NOCT: variants seen among roughly 807,000 people sequenced by gnomAD.
The protein encoded by NOCT is nocturnin.
In NOCT, 18 loss-of-function variants were observed where a neutral mutation model predicts 35.0. That is an observed-to-expected ratio of 0.51 (90% CI 0.36 to 0.76). NOCT has a LOEUF of 0.76. NOCT is among the 30% of genes least tolerant of loss of function. The probability of loss-of-function intolerance (pLI) is 0.01; values close to 1 mark genes in which losing one functional copy is unlikely to be tolerated. For missense variants in NOCT, 479 were observed against 541.0 expected, an observed-to-expected ratio of 0.89 and a Z score of 1.14; for synonymous variants, 235 against 226.3, an observed-to-expected ratio of 1.04 and a Z score of -0.34.
Position 139,043,234 on chromosome 4 carries a change from C to T in NOCT, c.351C>T (p.Val117=). ...AGCTTCTTGAGGAATGCAGGGCCGT[C>T]CTGCACACCCGACCTCCCCGGTTCC... ...PKELLEECRA[V]LHTRPPRFQR... The change falls in exon 2 of 3, where the codon GTC becomes GTT. Residue 117 remains valine (V), a synonymous_variant. Coordinates refer to ENST00000280614, the MANE Select transcript of NOCT (RefSeq NM_012118.4). 2.5e-6 allele frequency: 4 copies of T among 1,614,194 alleles called. No individual in the cohort carries two copies. The highest frequency in any genetic ancestry group is 1.6e-4 in the Middle Eastern group (1 of 6,062).
rs926021357 is a variant in NOCT, at chr4:139,015,955, G to A, written c.-27G>A. 3.0e-6 allele frequency: 4 copies of A among 1,324,946 alleles called. No individual in the cohort carries two copies. The highest frequency in any genetic ancestry group is 2.9e-6 in the Non-Finnish European group (3 of 1,042,640). The allele number at this position is 1,324,946 out of a possible 1,614,324, so 82.1% of individuals were successfully genotyped here. On this transcript the variant is annotated 5_prime_UTR_variant, in exon 1 of 3. Coordinates refer to ENST00000280614, the MANE Select transcript of NOCT (RefSeq NM_012118.4). ...CGGGCTCCGCTCCTCGGGCGCGCGA[G>A]GGGCCGTGGTGGCGGCGGCGCCCGG...
At chr4:139,026,638 C>T (rs1217556941) in intron 1 of NOCT, among the ~76,000 whole-genome samples, 1 of 151,556 alleles carries the variant, frequency 6.6e-6, no homozygotes, top group Admixed American at 6.6e-5. Flanking sequence ...GCAAACTCCA[C>T]CTGCTGGGTT....
Position 139,037,496 on chromosome 4 carries a change from C to G in NOCT, c.191-5578C>G, listed in dbSNP as rs191811796. On this transcript the variant is annotated intron_variant, in intron 1 of 2. Transcript: ENST00000280614. ...TGTTGCCCAGGCTGGTCTCGAACTC[C>G]TGGACTCCAGGGAACCTCCTGCCTC... Among the ~76,000 whole-genome samples, 898 of 152,158 alleles carry G rather than the reference C, an allele frequency of 5.9e-3. 9 individuals are homozygous for G. Among genetic ancestry groups the G allele is most frequent in the African/African-American group, 0.02 (840 of 41,516 alleles).
chr4:139,019,460 A>G (rs1484419082), intron 1 of NOCT, among the ~76,000 whole-genome samples: 1 of 152,222 alleles, frequency 6.6e-6, no homozygotes, highest in African/African-American at 2.4e-5. Flanking sequence ...ATGAAATGAC[A>G]AAAAGAATAA....
At position 139,044,833 on chromosome 4, in the gene NOCT, A is replaced by G; in HGVS notation, c.655A>G (p.Lys219Glu). Residue 219 changes from lysine (K) to glutamate (E), a missense_variant, in exon 3 of 3, where the codon AAA becomes GAA. By Grantham distance (56) the Lys-to-Glu change is moderately conservative. Coordinates refer to ENST00000280614, the MANE Select transcript of NOCT (RefSeq NM_012118.4). ...AGGCTATCAAGGCACGTTTTTCCCC[A>G]AACCCTGGTCACCTTGTCTAGATGT... ...RLGYQGTFFP[K>E]PWSPCLDVEH... 1.2e-6 allele frequency: 2 copies of G among 1,614,154 alleles called. No homozygotes were observed. Among genetic ancestry groups the G allele is most frequent in the Non-Finnish European group, 1.7e-6 (2 of 1,180,014 alleles).
At chr4:139,042,818 G>A in intron 1 of NOCT, among the ~76,000 whole-genome samples, 1 of 152,058 alleles carries the variant, frequency 6.6e-6, no homozygotes, top group African/African-American at 2.4e-5. Context: ...GGGAGGCTGA[G>A]GCAGGAGAAT....
intron 1 of NOCT, among the ~76,000 whole-genome samples, chr4:139,023,744 C>T (rs1403339177): frequency 6.6e-5 from 10 of 152,108 alleles, no homozygotes; most frequent in Non-Finnish European, 5.9e-5. Context: ...GTGATACACC[C>T]GCCTCGGCCT....
chr4:139,017,810 TA>T (rs1414320501), intron 1 of NOCT, among the ~76,000 whole-genome samples: 1 of 151,900 alleles, frequency 6.6e-6, no homozygotes, highest in Non-Finnish European at 1.5e-5. Context: ...ACAAAATTAA[TA>T]AAAATTTTAA....
At chr4:139,021,061 ACT>A (rs1422386943) in intron 1 of NOCT, among the ~76,000 whole-genome samples, 4 of 140,988 alleles carry the variant, frequency 2.8e-5, no homozygotes, top group Non-Finnish European at 4.5e-5. Flanking sequence ...TAGGAGCAAT[ACT>A]CTGTCTCAAA....
intron 1 of NOCT, among the ~76,000 whole-genome samples, chr4:139,039,536 A>G (rs933114360): frequency 1.3e-5 from 2 of 149,172 alleles, no homozygotes; most frequent in African/African-American, 5.0e-5. Flanking sequence ...GCTATTACTC[A>G]TATTTTGGGT....
chr4:139,022,340 A>C (rs1726433227), intron 1 of NOCT, among the ~76,000 whole-genome samples: 2 of 152,214 alleles, frequency 1.3e-5, no homozygotes, highest in South Asian at 2.1e-4. Flanking sequence ...ATTAATACTT[A>C]GCAAGAATTC....
At chr4:139,024,045 C>CTTTTTTTTTTTTTTTTTTT (rs368349308) in intron 1 of NOCT, among the ~76,000 whole-genome samples, 1 of 130,998 alleles carries the variant, frequency 7.6e-6, no homozygotes. Flanking sequence ...TCTATTCATC[C>CTTTTTTTTTTTTTTTTTTT]TTTTTTTTTT....
intron 1 of NOCT, among the ~76,000 whole-genome samples, chr4:139,042,359 A>C (rs527588762): frequency 3.3e-5 from 5 of 152,160 alleles, no homozygotes; most frequent in South Asian, 2.1e-4. Context: ...GTGAGCCACC[A>C]TGCCCAGCCT....
rs553439084 is a variant in NOCT, at chr4:139,029,189, G to A, written c.190+13018G>A. 6.5e-4 allele frequency among the ~76,000 whole-genome samples: 99 copies of A among 152,284 alleles called. 1 individual carries two copies. Among genetic ancestry groups the A allele is most frequent in the African/African-American group, 2.3e-3 (94 of 41,568 alleles). Reference sequence around the variant, plus strand: ...AGGAAAAAAGTGAGTTTTACAGAATGAAACAGAATAGCTAACATTTAGCTA... The same window carrying A: ...AGGAAAAAAGTGAGTTTTACAGAATAAAACAGAATAGCTAACATTTAGCTA... On this transcript the variant is annotated intron_variant, in intron 1 of 2. Coordinates refer to ENST00000280614, the MANE Select transcript of NOCT (RefSeq NM_012118.4).
At position 139,026,851 on chromosome 4, in the gene NOCT, C is replaced by CT. The variant is rs930223076; in HGVS notation, c.190+10690dup. On this transcript the variant is annotated intron_variant, in intron 1 of 2. Transcript: ENST00000280614. Reference sequence around the variant, plus strand: ...ACAGGTGTGAGCCACCATCCCTGGCCTTTTTTTTTTCTTTTTTTTTTTTTT... The same window carrying CT: ...ACAGGTGTGAGCCACCATCCCTGGCCTTTTTTTTTTTCTTTTTTTTTTTTTT... Among the ~76,000 whole-genome samples, 215 of 144,030 alleles carry CT rather than the reference C, an allele frequency of 1.5e-3. 2 individuals are homozygous for CT. The highest frequency in any genetic ancestry group is 5.3e-3 in the African/African-American group (201 of 37,844). 94.5% of individuals were successfully genotyped at this position (144,030 alleles called of 152,430 possible).
chr4:139,027,681 G>T (rs1044754488), intron 1 of NOCT, among the ~76,000 whole-genome samples: 3 of 152,024 alleles, frequency 2.0e-5, no homozygotes, highest in African/African-American at 7.2e-5. Flanking sequence ...TGTATTTTTA[G>T]TAGAGACAGC....
chr4:139,038,926 AT>A (rs144520372), intron 1 of NOCT, among the ~76,000 whole-genome samples: 2 of 151,370 alleles, frequency 1.3e-5, no homozygotes, highest in African/African-American at 4.9e-5. Context: ...GATATGGCAA[AT>A]TTTTTTTTGA....
intron 1 of NOCT, among the ~76,000 whole-genome samples, chr4:139,017,382 C>G (rs1726332519): frequency 6.6e-6 from 1 of 151,444 alleles, no homozygotes; most frequent in South Asian, 2.1e-4. Flanking sequence ...CATGCGCCAC[C>G]GCGCCAGGCT....
chr4:139,041,766 C>T (rs766667873), intron 1 of NOCT, among the ~76,000 whole-genome samples: 3 of 152,190 alleles, frequency 2.0e-5, no homozygotes, highest in Admixed American at 6.5e-5. Context: ...AATCAGCTTA[C>T]TCTAAGCCCT....
Sources: allele counts gnomAD v4.1 joint callset (sites outside exome capture counted in the v4.1 genomes callset), GRCh38; gene constraint gnomAD v4.1.1; transcripts MANE v1.5; gene names NCBI Gene and HGNC (gene_info 2026-07-23, HGNC 2026-07-21).